DEPTOR: variants seen among roughly 807,000 people sequenced by gnomAD.
DEPTOR encodes the protein DEP domain-containing mTOR-interacting protein.
A neutral mutation model predicts 41.6 loss-of-function variants in DEPTOR; 41 were observed. That is an observed-to-expected ratio of 0.98 (90% CI 0.77 to 1.28). DEPTOR has a LOEUF of 1.28. Ranked by LOEUF, DEPTOR falls within the 50% of genes most tolerant of loss-of-function variation. DEPTOR has a pLI of 0.00. For synonymous variants in DEPTOR, 195 were observed against 192.3 expected (o/e 1.01, Z -0.12); for missense variants, 514 against 527.9 (o/e 0.97, Z 0.26).
chr8:119,921,690 A>G (rs1466213311), intron 1 of DEPTOR, among the ~76,000 whole-genome samples: 1 of 151,984 alleles, frequency 6.6e-6, no homozygotes, highest in Non-Finnish European at 1.5e-5. Context: ...AATGTTCAAG[A>G]ATTAGCCCTA....
intron 3 of DEPTOR, among the ~76,000 whole-genome samples, chr8:119,945,887 G>A (rs1229817749): frequency 1.3e-5 from 2 of 152,182 alleles, no homozygotes; most frequent in Admixed American, 6.6e-5. Flanking sequence ...GAGAGAAGAG[G>A]CACGTATTGA....
At chr8:119,932,951 G>A (rs999365836) in intron 3 of DEPTOR, among the ~76,000 whole-genome samples, 3 of 152,158 alleles carry the variant, frequency 2.0e-5, no homozygotes, top group Non-Finnish European at 4.4e-5. Context: ...AGACCAGAGT[G>A]TCCAGAGGGC....
At chr8:119,967,880 G>A (rs1165412748) in intron 4 of DEPTOR, among the ~76,000 whole-genome samples, 1 of 152,086 alleles carries the variant, frequency 6.6e-6, no homozygotes, top group Admixed American at 6.6e-5. Context: ...ATTTGTTACT[G>A]TGTATTGGAG....
At chr8:119,928,636 A>G (rs577576654) in intron 2 of DEPTOR, 58 bp downstream of exon 2, 2 of 1,558,106 alleles carry the variant, frequency 1.3e-6, no homozygotes, top group African/African-American at 1.4e-5. Flanking sequence ...AGATCTTTTC[A>G]TGAACATACC....
chr8:119,980,531 T>TCTTTTC (rs1828753072), intron 4 of DEPTOR, among the ~76,000 whole-genome samples: 1 of 148,912 alleles, frequency 6.7e-6, no homozygotes, highest in Non-Finnish European at 1.5e-5. Context: ...GTGTTTTTTT[T>TCTTTTC]TTGGAGATGG....
chr8:119,951,441 C>A (rs576262014), intron 3 of DEPTOR, among the ~76,000 whole-genome samples: 4 of 152,198 alleles, frequency 2.6e-5, no homozygotes, highest in Non-Finnish European at 4.4e-5. Flanking sequence ...GCCTGAGAAT[C>A]CACACTTGGC....
At chr8:119,900,364 A>T (rs1331280275) in intron 1 of DEPTOR, among the ~76,000 whole-genome samples, 2 of 96,798 alleles carry the variant, frequency 2.1e-5, no homozygotes, top group Non-Finnish European at 2.0e-5. Flanking sequence ...CTAAATGTCT[A>T]TTACACACCC....
intron 4 of DEPTOR, among the ~76,000 whole-genome samples, chr8:119,977,260 C>A (rs1828708562): frequency 6.6e-6 from 1 of 152,134 alleles, no homozygotes; most frequent in African/African-American, 2.4e-5. Context: ...GCCCTAGCCT[C>A]CCAAAGTATT....
intron 3 of DEPTOR, among the ~76,000 whole-genome samples, chr8:119,931,319 T>C (rs1021606955): frequency 1.3e-5 from 2 of 152,160 alleles, no homozygotes; most frequent in Non-Finnish European, 2.9e-5. Context: ...ATTGGCATGA[T>C]GGTTAAAAGC....
chr8:119,947,907 C>T (rs148901232), intron 3 of DEPTOR, among the ~76,000 whole-genome samples: 66 of 152,244 alleles, frequency 4.3e-4, no homozygotes, highest in African/African-American at 1.6e-3. Flanking sequence ...CTTTGCTCTC[C>T]TGCCCTCCCC....
chr8:119,928,064 T>C (rs954179759), intron 1 of DEPTOR, among the ~76,000 whole-genome samples: 4 of 152,332 alleles, frequency 2.6e-5, no homozygotes, highest in African/African-American at 9.6e-5. Context: ...TTTTGTTTGC[T>C]GGTTGAAACA....
intron 8 of DEPTOR, among the ~76,000 whole-genome samples, chr8:120,031,207 C>T (rs948512109): frequency 1.3e-5 from 2 of 152,056 alleles, no homozygotes; most frequent in Non-Finnish European, 2.9e-5. Flanking sequence ...TGGCTCATGC[C>T]TGTAATCCCA....
At chr8:119,988,983 T>C (rs1221236905) in intron 4 of DEPTOR, among the ~76,000 whole-genome samples, 1 of 105,448 alleles carries the variant, frequency 9.5e-6, no homozygotes, top group Non-Finnish European at 2.0e-5. Context: ...TTTTTTTTAA[T>C]AGAGATGGGG....
chr8:120,048,239 A>G (rs575979474), intron 8 of DEPTOR, among the ~76,000 whole-genome samples: 1 of 152,308 alleles, frequency 6.6e-6, no homozygotes, highest in South Asian at 2.1e-4. Context: ...TGAAATTTCC[A>G]AGTCTAGGGT....
At chr8:119,908,796 T>A (rs1236318058) in intron 1 of DEPTOR, among the ~76,000 whole-genome samples, 1 of 152,232 alleles carries the variant, frequency 6.6e-6, no homozygotes, top group African/African-American at 2.4e-5. Context: ...GAGCTTCCCT[T>A]GTGTAATCAG....
At chr8:119,890,503 A>G (rs1389281921) in intron 1 of DEPTOR, among the ~76,000 whole-genome samples, 2 of 152,056 alleles carry the variant, frequency 1.3e-5, no homozygotes, top group Non-Finnish European at 2.9e-5. Context: ...GGGTTTCACC[A>G]TGTTGGCCAG....
intron 3 of DEPTOR, among the ~76,000 whole-genome samples, chr8:119,953,156 A>C (rs1828374853): frequency 6.6e-6 from 1 of 152,222 alleles, no homozygotes; most frequent in Non-Finnish European, 1.5e-5. Flanking sequence ...TGTTGGGGCC[A>C]AGGGAGAAAA....
chr8:120,025,693 A>G (rs891961775), intron 8 of DEPTOR, among the ~76,000 whole-genome samples: 2 of 151,988 alleles, frequency 1.3e-5, no homozygotes, highest in African/African-American at 4.8e-5. Flanking sequence ...TCTCGAATGC[A>G]TCTTTCTTCA....
rs192356550 is a variant in DEPTOR at position 119,922,131 on chromosome 8, C to T, written c.123-6269C>T. Among the ~76,000 whole-genome samples, 496 of 150,868 alleles carry T rather than the reference C, an allele frequency of 3.3e-3. 2 individuals carry two copies. Among genetic ancestry groups the T allele is most frequent in the African/African-American group, 0.011 (467 of 41,016 alleles). The stretch of plus-strand genomic sequence containing the variant: ...GCGGGCACCTGTAATTCCCACTACT[C>T]GGGAGGCTGAAGCAGGAGAATTGCT... On this transcript the variant is annotated intron_variant, in intron 1 of 8. Transcript: ENST00000286234.
Sources: allele counts gnomAD v4.1 joint callset (sites outside exome capture counted in the v4.1 genomes callset), GRCh38; gene constraint gnomAD v4.1.1; transcripts MANE v1.5; gene names NCBI Gene and HGNC (gene_info 2026-07-23, HGNC 2026-07-21).